METTL9: variants seen among roughly 807,000 people sequenced by gnomAD.
METTL9 encodes the protein methyltransferase 9, His-X-His N1(pi)-histidine.
In METTL9, 10 loss-of-function variants were observed where a neutral mutation model predicts 36.0. The ratio of observed to expected loss-of-function variants is 0.28; its 90% CI spans 0.17 to 0.47. The LOEUF is 0.47. Among genes scored for constraint, METTL9 ranks in the 20% least tolerant of loss-of-function variants. METTL9 has a pLI of 0.99. For missense variants in METTL9, 246 were observed against 383.5 expected (o/e 0.64, Z 3.00); for synonymous variants, 175 against 149.7 (o/e 1.17, Z -1.23).
chr16:21,634,630 C>T (rs983041012), intron 4 of METTL9, among the ~76,000 whole-genome samples: 7 of 152,250 alleles, frequency 4.6e-5, no homozygotes, highest in Admixed American at 2.6e-4. Context: ...ACCGAGGTTG[C>T]CAGGTTAATA....
At chr16:21,606,703 C>T (rs977646004) in intron 1 of METTL9, among the ~76,000 whole-genome samples, 1 of 152,144 alleles carries the variant, frequency 6.6e-6, no homozygotes, top group Non-Finnish European at 1.5e-5. Flanking sequence ...TGTTAGCATA[C>T]AAAAGATACT....
rs952478722 is a variant in METTL9, at chr16:21,657,189, C to G, written c.*1757C>G. 1 of 152,040 alleles carries G rather than the reference C, an allele frequency of 6.6e-6. No homozygotes were observed. Among genetic ancestry groups the G allele is most frequent in the African/African-American group, 2.4e-5 (1 of 41,384 alleles). The allele number at this position is 152,040 out of a possible 1,614,324, so 9.4% of individuals were successfully genotyped here. On this transcript the variant is annotated 3_prime_UTR_variant, in exon 5 of 5. Coordinates refer to ENST00000358154, the MANE Select transcript of METTL9 (RefSeq NM_016025.5). ...TACAACTCATTCTTAACCACCCCCC[C>G]AAAACAGAGAAAACACATACATTTA...
chr16:21,655,535 C>T lies in METTL9; in HGVS notation c.*103C>T. 1.1e-6 allele frequency: 1 copy of T among 945,528 alleles called. No homozygotes were observed. The highest frequency in any genetic ancestry group is 1.6e-6 in the Non-Finnish European group (1 of 628,310). 58.6% of individuals were successfully genotyped at this position (945,528 alleles called of 1,614,324 possible). On this transcript the variant is annotated 3_prime_UTR_variant, in exon 5 of 5. Transcript: ENST00000358154. ...GTGAAGGGAGGACCCTTGGGGACCG[C>T]CATTCTAAATATCATGTAGGAATTT...
intron 1 of METTL9, among the ~76,000 whole-genome samples, chr16:21,603,462 A>C (rs1183203611): frequency 6.6e-6 from 1 of 152,156 alleles, no homozygotes; most frequent in Non-Finnish European, 1.5e-5. Flanking sequence ...TCTTAATCAC[A>C]GGTTGCAGGG....
Position 21,608,470 on chromosome 16 carries a change from T to A in METTL9, c.166-4175T>A, listed in dbSNP as rs1185204641. On this transcript the variant is annotated intron_variant, in intron 1 of 4. Coordinates refer to ENST00000358154, the MANE Select transcript of METTL9 (RefSeq NM_016025.5). ...AAGTTCTCTGAGGCCAGCGAGTCCA[T>A]CTTTTAATTCAGTCAGCTGGAGTCC... Among the ~76,000 whole-genome samples, 3 of 152,178 alleles carry A rather than the reference T, an allele frequency of 2.0e-5. No homozygotes were observed. In the East Asian group the frequency reaches 5.8e-4, roughly 29 times the overall value.
chr16:21,644,152 G>A (rs1224631705), intron 4 of METTL9: 16 of 623,814 alleles, frequency 2.6e-5, no homozygotes, highest in South Asian at 2.5e-4. Flanking sequence ...TGCAGGTGGT[G>A]TTCCCTGCAG....
rs117727304 is a variant in METTL9 at position 21,654,529 on chromosome 16, G to A, written c.752-698G>A. ...GTCCCCCAGGCATCTCCTGCTCATAGGTTTGGAAATGACTGATAGAGGCTT... is the reference window on the plus strand; with the variant it reads ...GTCCCCCAGGCATCTCCTGCTCATAAGTTTGGAAATGACTGATAGAGGCTT... On this transcript the variant is annotated intron_variant, in intron 4 of 4. Transcript: ENST00000358154. The A allele has an allele frequency of 8.8e-3, 1,349 of 152,502 alleles. 48 individuals are homozygous for A. The highest frequency in any genetic ancestry group is 0.082 in the East Asian group (425 of 5,188). 9.4% of individuals were successfully genotyped at this position (152,502 alleles called of 1,614,324 possible). A position where few individuals can be genotyped will look rare whatever the true frequency, so the allele number is the denominator to read the frequency against.
Position 21,656,870 on chromosome 16 carries a change from G to A in METTL9, c.*1438G>A, listed in dbSNP as rs1045668716. On this transcript the variant is annotated 3_prime_UTR_variant, in exon 5 of 5. Transcript: ENST00000358154. ...TACTGTGCAGTCATAATAAGAGTTG[G>A]GTTATGTGATTTATGCAAAATTGTT... 1.3e-5 allele frequency: 2 copies of A among 151,994 alleles called. No individual in the cohort carries two copies. The highest frequency in any genetic ancestry group is 2.9e-5 in the Non-Finnish European group (2 of 68,002). The allele number at this position is 151,994 out of a possible 1,614,324, so 9.4% of individuals were successfully genotyped here. A position where few individuals can be genotyped will look rare whatever the true frequency, so the allele number is the denominator to read the frequency against.
chr16:21,647,008 C>T (rs1966445293), intron 4 of METTL9: 2 of 1,253,570 alleles, frequency 1.6e-6, no homozygotes, highest in South Asian at 1.2e-5. Flanking sequence ...CAGATCACAC[C>T]CATCACTGGC....
chr16:21,627,072 A>T, intron 4 of METTL9: 1 of 985,430 alleles, frequency 1.0e-6, no homozygotes, highest in Non-Finnish European at 1.2e-6. Flanking sequence ...GACCTGAGAC[A>T]AGAAGCCTTG....
intron 1 of METTL9, among the ~76,000 whole-genome samples, chr16:21,607,584 A>C (rs1288060293): frequency 6.6e-6 from 1 of 152,218 alleles, no homozygotes; most frequent in African/African-American, 2.4e-5. Context: ...ACTTGGCATC[A>C]GCAGATGACT....
At chr16:21,605,254 C>CTTTTTTTTTTTTTTTT (rs1555488566) in intron 1 of METTL9, among the ~76,000 whole-genome samples, 1 of 41,798 alleles carries the variant, frequency 2.4e-5, no homozygotes, top group Non-Finnish European at 4.9e-5. Flanking sequence ...ATAGGCTTGC[C>CTTTTTTTTTTTTTTTT]TTCTTTTTTT....
chr16:21,616,361 T>A lies in METTL9; in HGVS notation c.357-1504T>A, dbSNP rs367934210. On this transcript the variant is annotated intron_variant, in intron 2 of 4. Transcript: ENST00000358154. ...TCGAACAGCAGCAGCTCTCTTAGGATCTTATGTTATCTGTGAGTTCCACTT... is the reference window on the plus strand; with the variant it reads ...TCGAACAGCAGCAGCTCTCTTAGGAACTTATGTTATCTGTGAGTTCCACTT... Among the ~76,000 whole-genome samples the A allele has an allele frequency of 1.2e-4, 18 of 152,334 alleles. No homozygotes were observed. In the South Asian group the frequency reaches 1.9e-3, roughly 16 times the overall value.
intron 1 of METTL9, among the ~76,000 whole-genome samples, chr16:21,601,236 T>TACACTAGTTC (rs996261790): frequency 1.3e-5 from 2 of 152,202 alleles, no homozygotes; most frequent in African/African-American, 4.8e-5. Context: ...TCCTATGGAT[T>TACACTAGTTC]ATTTGCTTAC....
intron 4 of METTL9, among the ~76,000 whole-genome samples, chr16:21,634,571 C>T (rs1966039698): frequency 6.6e-6 from 1 of 152,156 alleles, no homozygotes; most frequent in Non-Finnish European, 1.5e-5. Flanking sequence ...AAGGCTGTGG[C>T]CTTTCTCTGA....
At chr16:21,630,072 G>A (rs1246073438) in intron 4 of METTL9, among the ~76,000 whole-genome samples, 1 of 152,216 alleles carries the variant, frequency 6.6e-6, no homozygotes, top group African/African-American at 2.4e-5. Context: ...TAGACACAGA[G>A]TGCTGATTGG....
rs1327945952 is a variant in METTL9 at position 21,655,655 on chromosome 16, T to C, written c.*223T>C. 7.9e-6 allele frequency: 4 copies of C among 506,470 alleles called. No homozygotes were observed. The highest frequency in any genetic ancestry group is 3.5e-6 in the Non-Finnish European group (1 of 287,522). 31.4% of individuals were successfully genotyped at this position (506,470 alleles called of 1,614,324 possible). ...TCTTTGTGGATTTTTATCAACTCTT[T>C]ACTCAGAGCCACTCTCCAATGCAGG... is the stretch of plus-strand genomic sequence containing the variant. On this transcript the variant is annotated 3_prime_UTR_variant, in exon 5 of 5. Transcript: ENST00000358154.
intron 1 of METTL9, among the ~76,000 whole-genome samples, chr16:21,608,559 G>T (rs760640751): frequency 3.3e-5 from 5 of 152,144 alleles, no homozygotes; most frequent in Non-Finnish European, 5.9e-5. Context: ...GTGACATTTT[G>T]TGGGTAAGGC....
Sources: allele counts gnomAD v4.1 joint callset (sites outside exome capture counted in the v4.1 genomes callset), GRCh38; gene constraint gnomAD v4.1.1; transcripts MANE v1.5; gene names NCBI Gene and HGNC (gene_info 2026-07-23, HGNC 2026-07-21).